The following STK3 variants were observed in gnomAD, a reference collection of about 807,000 sequenced individuals.
The protein encoded by STK3 is serine/threonine-protein kinase 3.
STK3 carries 41 observed loss-of-function variants against 58.0 expected under a neutral mutation model. The ratio of observed to expected loss-of-function variants is 0.71; its 90% CI spans 0.55 to 0.92. The LOEUF is 0.92. STK3 is among the 40% of genes least tolerant of loss of function. STK3 has a pLI of 0.00. For missense variants in STK3, 479 were observed against 602.7 expected (o/e 0.79, Z 2.15); for synonymous variants, 170 against 191.0 (o/e 0.89, Z 0.91).
At chr8:98,905,439 G>T (rs1163638620) in intron 1 of STK3, 73 of 1,303,216 alleles carry the variant, frequency 5.6e-5, no homozygotes, top group Non-Finnish European at 7.6e-5. Context: ...GTGTAACTTG[G>T]TTGACGCTTT....
chr8:98,493,897 T>C (rs976940010), intron 10 of STK3, among the ~76,000 whole-genome samples: 1 of 152,238 alleles, frequency 6.6e-6, no homozygotes, highest in African/African-American at 2.4e-5. Flanking sequence ...CTGGGACTTA[T>C]CTGAGATCTT....
At chr8:98,677,772 C>G (rs1823335615) in intron 6 of STK3, among the ~76,000 whole-genome samples, 1 of 152,136 alleles carries the variant, frequency 6.6e-6, no homozygotes, top group Non-Finnish European at 1.5e-5. Flanking sequence ...TTTCTTCCCT[C>G]TCCTAGGAAT....
intron 10 of STK3, among the ~76,000 whole-genome samples, chr8:98,461,363 C>T (rs1586616199): frequency 6.6e-6 from 1 of 152,120 alleles, no homozygotes; most frequent in African/African-American, 2.4e-5. Flanking sequence ...CCCTTTGAGT[C>T]TATACAAATC....
At chr8:98,894,442 C>T (rs1395728220) in intron 1 of STK3, among the ~76,000 whole-genome samples, 3 of 152,228 alleles carry the variant, frequency 2.0e-5, no homozygotes, top group African/African-American at 4.8e-5. Flanking sequence ...TCCACTAGAA[C>T]ATAAACTGTC....
chr8:98,344,880 G>A, the STK3 span, among the ~76,000 whole-genome samples: 1 of 111,384 alleles, frequency 9.0e-6, no homozygotes, highest in South Asian at 3.3e-4. Flanking sequence ...GCGACAGAGC[G>A]AGACTCCGTC....
At chr8:98,614,706 C>G (rs370855841) in intron 6 of STK3, among the ~76,000 whole-genome samples, 2 of 152,168 alleles carry the variant, frequency 1.3e-5, no homozygotes, top group Admixed American at 6.5e-5. Context: ...ATGGATGCAC[C>G]TGGAAAATCG....
At chr8:98,905,745 T>C in intron 1 of STK3, 2 of 501,876 alleles carry the variant, frequency 4.0e-6, no homozygotes, top group South Asian at 4.3e-5. Context: ...ATCGTTTGTC[T>C]TGATAAAAGA....
intron 4 of STK3, among the ~76,000 whole-genome samples, chr8:98,713,861 C>T (rs558462472): frequency 6.6e-6 from 1 of 152,036 alleles, no homozygotes; most frequent in Non-Finnish European, 1.5e-5. Context: ...CCCTGATGAA[C>T]ATCGATGCAA....
At chr8:98,469,720 T>A (rs889136286) in intron 10 of STK3, among the ~76,000 whole-genome samples, 3 of 152,200 alleles carry the variant, frequency 2.0e-5, no homozygotes, top group Non-Finnish European at 4.4e-5. Flanking sequence ...CAAGATGAAA[T>A]TTCAGTTCAG....
rs567648008 is a variant in STK3 at position 98,714,863 on chromosome 8, C to T, written c.352-7552G>A. ...CAAAGGAACAAAGCTGGAGGCATCA[C>T]ACTACCTGACTTCAAATACACTACA... On this transcript the variant is annotated intron_variant, in intron 4 of 10. Transcript: ENST00000419617. 7.6e-4 allele frequency among the ~76,000 whole-genome samples: 116 copies of T among 152,304 alleles called. 1 individual carries two copies. The highest frequency in any genetic ancestry group is 2.8e-3 in the African/African-American group (115 of 41,568).
At chr8:98,537,326 A>G (rs777431680) in intron 9 of STK3, among the ~76,000 whole-genome samples, 21 of 152,216 alleles carry the variant, frequency 1.4e-4, no homozygotes, top group Middle Eastern at 3.2e-3. Flanking sequence ...AAAGAGGAAA[A>G]CAGGTTAGGT....
chr8:98,617,279 A>G (rs560678806), intron 6 of STK3, among the ~76,000 whole-genome samples: 2,027 of 144,334 alleles, frequency 0.014, 20 homozygotes, highest in Non-Finnish European at 0.022. Context: ...ACAAAGACAC[A>G]ACATACCAGA....
At chr8:98,486,883 C>A (rs535230290) in intron 10 of STK3, among the ~76,000 whole-genome samples, 1 of 152,064 alleles carries the variant, frequency 6.6e-6, no homozygotes. Flanking sequence ...AGTGTCAATG[C>A]CCTGTCTGAA....
chr8:98,614,957 CCA>C (rs1197873820), intron 6 of STK3, among the ~76,000 whole-genome samples: 1 of 152,216 alleles, frequency 6.6e-6, no homozygotes, highest in Non-Finnish European at 1.5e-5. Context: ...GTGGAGCCCA[CCA>C]GAGTTCAAGG....
At position 98,526,956 on chromosome 8, in the gene STK3, T is replaced by C. The variant is rs764606192; in HGVS notation, c.1142-39A>G. ...AGAACATAAGGAAGGTATAAGTTCTTACATTTAAGGAAGTATTTTCTTTGA... is the reference window on the plus strand; with the variant it reads ...AGAACATAAGGAAGGTATAAGTTCTCACATTTAAGGAAGTATTTTCTTTGA... On this transcript the variant is annotated intron_variant, in intron 9 of 10. Transcript: ENST00000419617. 3.2e-5 allele frequency: 45 copies of C among 1,398,906 alleles called. No individual in the cohort carries two copies. In the Middle Eastern group the frequency reaches 5.7e-4, roughly 18 times the overall value. 86.7% of individuals were successfully genotyped at this position (1,398,906 alleles called of 1,614,324 possible).
At position 98,563,016 on chromosome 8, in the gene STK3, CA is replaced by C. The variant is rs34350283; in HGVS notation, c.949-14856del. Among the ~76,000 whole-genome samples, 525 of 127,370 alleles carry C rather than the reference CA, an allele frequency of 4.1e-3. 4 individuals carry two copies. The highest frequency in any genetic ancestry group is 0.018 in the East Asian group (82 of 4,626). The allele number at this position is 127,370 out of a possible 152,430, so 83.6% of individuals were successfully genotyped here. On this transcript the variant is annotated intron_variant, in intron 8 of 10. Transcript: ENST00000419617. ...TCCCAGGGTGAAATGTAGAATGTGG[CA>C]AAAAAAAAAAAAGTAACTGTATTAA...
intron 6 of STK3, among the ~76,000 whole-genome samples, chr8:98,643,290 CCTTT>C (rs1309317755): frequency 6.6e-6 from 1 of 152,116 alleles, no homozygotes; most frequent in Admixed American, 6.6e-5. Context: ...CTTTGTAACA[CCTTT>C]ATTATCCCTA....
intron 6 of STK3, among the ~76,000 whole-genome samples, chr8:98,675,517 TATC>T (rs1823135387): frequency 6.6e-6 from 1 of 152,066 alleles, no homozygotes; most frequent in African/African-American, 2.4e-5. Context: ...AGCATGAAAT[TATC>T]ATATGATCCA....
chr8:98,804,058 G>C (rs1012623834), intron 1 of STK3, among the ~76,000 whole-genome samples: 5 of 151,900 alleles, frequency 3.3e-5, no homozygotes, highest in Admixed American at 6.6e-5. Context: ...CTGGAGTGCA[G>C]TGGTGCAATC....
Sources: gnomAD v4.1 joint callset for allele counts (sites outside exome capture counted in the v4.1 genomes callset) on GRCh38, gnomAD v4.1.1 for gene constraint, MANE v1.5 for transcripts, NCBI Gene and HGNC (gene_info 2026-07-23, HGNC 2026-07-21) for gene names.